ANK2: variants seen among roughly 807,000 people sequenced by gnomAD.
ANK2 encodes ankyrin-2.
In ANK2, 83 loss-of-function variants were observed where a neutral mutation model predicts 360.5. That is an observed-to-expected ratio of 0.23 (90% CI 0.19 to 0.28). ANK2 has a LOEUF of 0.28. Among genes scored for constraint, ANK2 ranks in the 10% least tolerant of loss-of-function variants. The probability of loss-of-function intolerance (pLI) is 1.00; values close to 1 mark genes in which losing one functional copy is unlikely to be tolerated. For synonymous variants in ANK2, 1,740 were observed against 1,759.5 expected (o/e 0.99, Z 0.28); for missense variants, 4,201 against 4,795.7 (o/e 0.88, Z 3.66).
chr4:112,982,405 T>C (rs1397980696), intron 2 of ANK2, among the ~76,000 whole-genome samples: 1 of 152,208 alleles, frequency 6.6e-6, no homozygotes, highest in Non-Finnish European at 1.5e-5. Context: ...AGAATATGAA[T>C]TTAGCCAATT....
intron 45 of ANK2, among the ~76,000 whole-genome samples, chr4:113,378,697 T>C (rs1215277492): frequency 6.6e-6 from 1 of 152,236 alleles, no homozygotes; most frequent in African/African-American, 2.4e-5. Flanking sequence ...CTAGCGATGC[T>C]GAAACCTGGG....
intron 41 of ANK2, among the ~76,000 whole-genome samples, chr4:113,366,361 T>C (rs1180543861): frequency 6.6e-6 from 1 of 151,886 alleles, no homozygotes; most frequent in African/African-American, 2.4e-5. Flanking sequence ...AAACATTTTC[T>C]TTACTTAAAT....
intron 1 of ANK2, among the ~76,000 whole-genome samples, chr4:113,062,697 G>A (rs1231665853): frequency 1.3e-5 from 2 of 152,014 alleles, no homozygotes; most frequent in East Asian, 3.9e-4. Context: ...TACATCACAG[G>A]AGTGATTAAT....
chr4:112,975,363 AT>A (rs1158564567), intron 2 of ANK2, among the ~76,000 whole-genome samples: 5 of 152,232 alleles, frequency 3.3e-5, no homozygotes, highest in African/African-American at 1.2e-4. Flanking sequence ...AATAAAAAAA[AT>A]CTCTTCAGTA....
the ANK2 span, among the ~76,000 whole-genome samples, chr4:112,803,598 A>T: frequency 2.6e-5 from 4 of 152,154 alleles, no homozygotes; most frequent in African/African-American, 9.7e-5. Flanking sequence ...CTTGATCTCA[A>T]CCCTGTGAAA....
chr4:112,844,748 G>C (rs1484574107), intron 1 of ANK2, among the ~76,000 whole-genome samples: 1 of 152,180 alleles, frequency 6.6e-6, no homozygotes, highest in African/African-American at 2.4e-5. Context: ...CATCTGTAGG[G>C]GGAGGACATT....
At chr4:112,971,468 G>A (rs1360582371) in intron 2 of ANK2, among the ~76,000 whole-genome samples, 1 of 152,192 alleles carries the variant, frequency 6.6e-6, no homozygotes, top group Non-Finnish European at 1.5e-5. Context: ...AAATTAGTGT[G>A]AGGAACCAAG....
chr4:112,752,191 C>T, the ANK2 span, among the ~76,000 whole-genome samples: 5 of 152,224 alleles, frequency 3.3e-5, no homozygotes, highest in African/African-American at 7.2e-5. Context: ...CTTGTCCTCA[C>T]TGGATTACTA....
At chr4:112,954,748 G>A (rs371066633) in intron 2 of ANK2, among the ~76,000 whole-genome samples, 1 of 152,128 alleles carries the variant, frequency 6.6e-6, no homozygotes, top group African/African-American at 2.4e-5. Context: ...AAAGTTCAGA[G>A]AATTATCTGG....
intron 1 of ANK2, among the ~76,000 whole-genome samples, chr4:112,878,766 C>T (rs2075896781): frequency 6.6e-6 from 1 of 152,162 alleles, no homozygotes; most frequent in South Asian, 2.1e-4. Flanking sequence ...GTCCGAGTAG[C>T]TGGGACTACA....
At chr4:113,288,210 C>A (rs2065681321) in intron 19 of ANK2, among the ~76,000 whole-genome samples, 178 bp from the exon 20 acceptor site, 2 of 152,148 alleles carry the variant, frequency 1.3e-5, no homozygotes, top group Non-Finnish European at 2.9e-5. Context: ...ATCTCTCTTG[C>A]TGATATGAAG....
At chr4:112,741,602 T>C in the ANK2 span, among the ~76,000 whole-genome samples, 1 of 152,228 alleles carries the variant, frequency 6.6e-6, no homozygotes, top group African/African-American at 2.4e-5. Flanking sequence ...GTTTTGGGTA[T>C]AACTAAAACT....
Position 113,357,416 on chromosome 4 carries a change from C to T in ANK2, c.8798C>T (p.Ser2933Phe), listed in dbSNP as rs771003489. The change falls in exon 38 of 46, where the codon TCC becomes TTC. Residue 2933 changes from serine (S) to phenylalanine (F), a missense_variant. Coordinates refer to ENST00000357077, the MANE Select transcript of ANK2 (RefSeq NM_001148.6). Reference sequence around the variant, plus strand: ...ACTAGCCCTTATGAAAATGTCCCTTCCCAATCTTTTTTCTCTAGTGAAGAA... The same window carrying T: ...ACTAGCCCTTATGAAAATGTCCCTTTCCAATCTTTTTTCTCTAGTGAAGAA... ...QITSPYENVP[S>F]QSFFSSEESK... The T allele has an allele frequency of 2.5e-6, 4 of 1,614,074 alleles. No homozygotes were observed. The highest frequency in any genetic ancestry group is 3.4e-6 in the Non-Finnish European group (4 of 1,179,964).
intron 25 of ANK2, 75 bp from the exon 26 acceptor site, chr4:113,318,442 C>G: frequency 2.5e-6 from 3 of 1,220,676 alleles, no homozygotes; most frequent in Non-Finnish European, 3.6e-6. Flanking sequence ...AGTGATGACA[C>G]TTTTTATATT....
chr4:113,332,021 T>C lies in ANK2; in HGVS notation c.3175T>C (p.Leu1059=), dbSNP rs750369992. ...TCCCCCACTTAATGAGGGAGAAAGT[T>C]TGGTCAGCCGCATTCTTCAGCTGGG... ...APPPLNEGES[L]VSRILQLGPP... Residue 1059 remains leucine, a synonymous_variant, in exon 28 of 46, where the codon TTG becomes CTG. Transcript: ENST00000357077. The C allele has an allele frequency of 5.6e-6, 9 of 1,614,014 alleles. No homozygotes were observed. The South Asian group carries it at 7.7e-5, about 14-fold the overall frequency.
At position 113,278,559 on chromosome 4, in the gene ANK2, G is replaced by C. The variant is rs773532353; in HGVS notation, c.1881+1G>C. The C allele has an allele frequency of 1.9e-6, 3 of 1,613,686 alleles. No individual in the cohort carries two copies. The highest frequency in any genetic ancestry group is 2.2e-5 in the South Asian group (2 of 91,078). The stretch of plus-strand genomic sequence containing the variant: ...TGCTTCCCCTCATGCCACTGCCAAG[G>C]TGAGGACCACAGAAAAGGATTTACA... On this transcript the variant is annotated splice_donor_variant, in intron 17 of 45. Transcript: ENST00000357077. LOFTEE classifies it high-confidence loss of function.
chr4:113,371,494 T>A (rs17483176), intron 43 of ANK2, among the ~76,000 whole-genome samples: 7 of 152,136 alleles, frequency 4.6e-5, no homozygotes, highest in Non-Finnish European at 1.0e-4. Flanking sequence ...CTTGAAACAA[T>A]TATCTGGATA....
chr4:113,233,710 T>C (rs2099348709), intron 5 of ANK2, among the ~76,000 whole-genome samples: 1 of 152,114 alleles, frequency 6.6e-6, no homozygotes, highest in Non-Finnish European at 1.5e-5. Context: ...TTCTGACAGC[T>C]TATTCTCGTT....
intron 45 of ANK2, among the ~76,000 whole-genome samples, chr4:113,379,148 T>TA (rs1333692856): frequency 6.6e-6 from 1 of 152,166 alleles, no homozygotes; most frequent in Non-Finnish European, 1.5e-5. Context: ...TCTCAGAACT[T>TA]AAAAAATGCT....
Sources: gnomAD v4.1 joint callset for allele counts (sites outside exome capture counted in the v4.1 genomes callset) on GRCh38, gnomAD v4.1.1 for gene constraint, MANE v1.5 for transcripts, NCBI Gene and HGNC (gene_info 2026-07-23, HGNC 2026-07-21) for gene names.